TLE4: variants seen among roughly 807,000 people sequenced by gnomAD.
TLE4 encodes TLE family member 4, transcriptional corepressor.
A neutral mutation model predicts 92.8 loss-of-function variants in TLE4; 8 were observed. That is an observed-to-expected ratio of 0.09 (90% CI 0.05 to 0.16). TLE4 has a LOEUF of 0.16. Ranked by LOEUF, TLE4 falls within the 10% of genes least tolerant of loss-of-function variation. The probability of loss-of-function intolerance (pLI) is 1.00; values close to 1 mark genes in which losing one functional copy is unlikely to be tolerated. For missense variants in TLE4, 675 were observed against 997.6 expected (o/e 0.68, Z 4.36); for synonymous variants, 371 against 374.1 (o/e 0.99, Z 0.10).
At chr9:79,662,665 A>AGAATCTTGCCTCCTTC (rs1223653797) in intron 8 of TLE4, among the ~76,000 whole-genome samples, 5 of 152,208 alleles carry the variant, frequency 3.3e-5, no homozygotes, top group Admixed American at 6.5e-5. Context: ...GCCTCCTTCG[A>AGAATCTTGCCTCCTTC]TGTAAACAAA....
intron 4 of TLE4, among the ~76,000 whole-genome samples, chr9:79,612,169 G>A (rs540482923): frequency 6.8e-4 from 104 of 152,186 alleles, no homozygotes; most frequent in African/African-American, 2.3e-3. Flanking sequence ...TGTTTCAGAA[G>A]TTTAGGGTCT....
chr9:79,606,455 G>A (rs575272690), intron 4 of TLE4, among the ~76,000 whole-genome samples: 1 of 149,122 alleles, frequency 6.7e-6, no homozygotes. Flanking sequence ...GTATATATGT[G>A]CCATGTGGTT....
chr9:79,602,159 T>C (rs2045809835), intron 4 of TLE4, among the ~76,000 whole-genome samples: 1 of 152,146 alleles, frequency 6.6e-6, no homozygotes, highest in South Asian at 2.1e-4. Flanking sequence ...GTTCATTAAG[T>C]TTAATGAAAG....
intron 14 of TLE4, 150 bp downstream of exon 14, chr9:79,709,849 C>A: frequency 1.6e-6 from 1 of 610,944 alleles, no homozygotes; most frequent in Non-Finnish European, 2.7e-6. Context: ...TTTCTCTTAG[C>A]ACAAGAAGAG....
intron 4 of TLE4, among the ~76,000 whole-genome samples, chr9:79,590,213 AGTTCT>A (rs1314958673): frequency 6.6e-6 from 1 of 152,228 alleles, no homozygotes; most frequent in Non-Finnish European, 1.5e-5. Flanking sequence ...AAACAATAGC[AGTTCT>A]GTAGCTGCTT....
At chr9:79,658,252 A>G (rs908217693) in intron 8 of TLE4, among the ~76,000 whole-genome samples, 4 of 152,200 alleles carry the variant, frequency 2.6e-5, no homozygotes, top group Admixed American at 6.5e-5. Context: ...GCCAATATGG[A>G]ACTTTATAGT....
chr9:79,652,374 AGACGG>A (rs1442930262), intron 6 of TLE4, among the ~76,000 whole-genome samples: 1 of 152,106 alleles, frequency 6.6e-6, no homozygotes, highest in African/African-American at 2.4e-5. Flanking sequence ...TTTTTAGTAG[AGACGG>A]GATTTCACCG....
intron 8 of TLE4, chr9:79,668,941 C>G (rs2061828985): frequency 1.8e-6 from 1 of 561,278 alleles, no homozygotes; most frequent in African/African-American, 2.0e-5. Context: ...ATTATCAATG[C>G]AGGTTACTGG....
rs2059176685 is a variant in TLE4 at position 79,652,467 on chromosome 9, G to A, written c.391-126G>A. The A allele has an allele frequency of 2.5e-5, 25 of 1,015,972 alleles. 1 individual carries two copies. The highest frequency in any genetic ancestry group is 2.4e-4 in the South Asian group (17 of 70,298). 62.9% of individuals were successfully genotyped at this position (1,015,972 alleles called of 1,614,324 possible). On this transcript the variant is annotated intron_variant, in intron 6 of 19. Transcript: ENST00000376552. ...CTCCCAAAGTGCTGGGATTACAGGC[G>A]TGAGCCACCGTGCCCAGCCGGTGTT...
chr9:79,605,167 G>A (rs1366968341), intron 4 of TLE4, among the ~76,000 whole-genome samples: 2 of 152,116 alleles, frequency 1.3e-5, no homozygotes, highest in South Asian at 2.1e-4. Context: ...TTCTCTGACC[G>A]GTTCCACCTT....
intron 6 of TLE4, among the ~76,000 whole-genome samples, chr9:79,645,890 G>C (rs1263850461): frequency 1.3e-5 from 2 of 152,042 alleles, no homozygotes; most frequent in Non-Finnish European, 2.9e-5. Flanking sequence ...TTAATTTTAA[G>C]TAAGGCACCC....
rs1041482986 is a variant in TLE4, at chr9:79,649,513, A to C, written c.391-3080A>C. On this transcript the variant is annotated intron_variant, in intron 6 of 19. Transcript: ENST00000376552. ...GTTCATCTTAAACAAAATGTTGGACAAAATCAGTGATGAAACAACTGAGGA... is the reference window on the plus strand; with the variant it reads ...GTTCATCTTAAACAAAATGTTGGACCAAATCAGTGATGAAACAACTGAGGA... The C allele has an allele frequency of 6.0e-5, 11 of 182,694 alleles. No individual in the cohort carries two copies. The Admixed American group carries it at 6.2e-4, about 10-fold the overall frequency. The allele number at this position is 182,694 out of a possible 1,614,324, so 11.3% of individuals were successfully genotyped here.
intron 8 of TLE4, among the ~76,000 whole-genome samples, chr9:79,655,450 T>A (rs1368296442): frequency 6.6e-6 from 1 of 152,220 alleles, no homozygotes; most frequent in Non-Finnish European, 1.5e-5. Flanking sequence ...AAAGGAATTT[T>A]TTTTTCAGAG....
At position 79,718,792 on chromosome 9, in the gene TLE4, G is replaced by C. The variant is rs753600409; in HGVS notation, c.1411G>C (p.Gly471Arg). Residue 471 changes from glycine to arginine, a missense_variant, in exon 15 of 20, where the codon GGA becomes CGA. Around this residue, in one of 5 missense-constraint regions of TLE4, gnomAD observed 119 missense variants for 175.9 expected, o/e 0.68. Coordinates refer to ENST00000376552, the MANE Select transcript of TLE4 (RefSeq NM_007005.6). ...PVPFPPDALI[G>R]PGIPRHARQI... ...CCCTTTTCCACCCGACGCCCTCATC[G>C]GACCTGGAATCCCCCGGCATGCTCG... 2 of 1,614,076 alleles carry C rather than the reference G, an allele frequency of 1.2e-6. No homozygotes were observed. The highest frequency in any genetic ancestry group is 8.5e-7 in the Non-Finnish European group (1 of 1,180,022).
At chr9:79,689,512 C>G (rs2066599816) in intron 8 of TLE4, among the ~76,000 whole-genome samples, 2 of 152,104 alleles carry the variant, frequency 1.3e-5, no homozygotes, top group African/African-American at 4.8e-5. Flanking sequence ...TTATGGCACT[C>G]AAAATACATC....
chr9:79,584,149 C>T lies in TLE4; in HGVS notation c.252+7972C>T, dbSNP rs1324124578. ...TTGACTTCCCTTCCAGGGCTCCCTT[C>T]GCTGACCATGCTGTTTCCAAACAGC... On this transcript the variant is annotated intron_variant, in intron 4 of 19. Transcript: ENST00000376552. Among the ~76,000 whole-genome samples the T allele has an allele frequency of 2.6e-5, 4 of 152,214 alleles. No homozygotes were observed. In the South Asian group the frequency reaches 6.2e-4, roughly 24 times the overall value.
chr9:79,673,044 C>T (rs1383087304), intron 8 of TLE4, among the ~76,000 whole-genome samples: 2 of 152,136 alleles, frequency 1.3e-5, no homozygotes, highest in East Asian at 3.9e-4. Context: ...TGAAAACATG[C>T]TTTAAATGCC....
intron 8 of TLE4, among the ~76,000 whole-genome samples, chr9:79,703,534 C>T (rs1463705775): frequency 1.3e-5 from 2 of 152,224 alleles, no homozygotes; most frequent in African/African-American, 2.4e-5. Flanking sequence ...TGCCCAATAA[C>T]CACCTGACCT....
chr9:79,701,742 G>A (rs2069954812), intron 8 of TLE4, among the ~76,000 whole-genome samples: 1 of 152,060 alleles, frequency 6.6e-6, no homozygotes, highest in South Asian at 2.1e-4. Context: ...CTCAGAAAAG[G>A]AATGTATCAT....
Sources: gnomAD v4.1 joint callset for allele counts (sites outside exome capture counted in the v4.1 genomes callset) on GRCh38, gnomAD v4.1.1 for gene constraint, gnomAD v4.1.1 regional missense constraint, MANE v1.5 for transcripts, NCBI Gene and HGNC (gene_info 2026-07-23, HGNC 2026-07-21) for gene names.